The following UBE2W variants were observed in gnomAD, a reference collection of about 807,000 sequenced individuals.
UBE2W encodes ubiquitin conjugating enzyme E2 W.
UBE2W carries 18 observed loss-of-function variants against 27.2 expected under a neutral mutation model. The observed-to-expected ratio is 0.66, with a 90% CI of 0.46 to 0.98. The LOEUF (loss-of-function observed/expected upper bound fraction) is 0.98, where lower values mean the gene tolerates loss of function less well. Among genes scored for constraint, UBE2W ranks in the 50% least tolerant of loss-of-function variants. The pLI, the probability that UBE2W is intolerant of heterozygous loss-of-function variation, is 0.00. For missense variants in UBE2W, 90 were observed against 180.2 expected, an observed-to-expected ratio of 0.50 and a Z score of 2.87; for synonymous variants, 53 against 57.2, an observed-to-expected ratio of 0.93 and a Z score of 0.33.
chr8:73,786,969 T>G lies in UBE2W; in HGVS notation c.*7133A>C, dbSNP rs1807982732. The G allele has an allele frequency of 1.0e-6, 1 of 985,306 alleles. No individual in the cohort carries two copies. The highest frequency in any genetic ancestry group is 1.2e-6 in the Non-Finnish European group (1 of 829,920). The allele number at this position is 985,306 out of a possible 1,614,324, so 61.0% of individuals were successfully genotyped here. On this transcript the variant is annotated 3_prime_UTR_variant, in exon 6 of 6. Transcript: ENST00000602593. ...CAGGATACAGCCATCTATATTAGGA[T>G]CTTGTCTAATGACATATATTCACCC...
chr8:73,840,083 G>A (rs1428028630), intron 1 of UBE2W, among the ~76,000 whole-genome samples: 1 of 150,708 alleles, frequency 6.6e-6, no homozygotes, highest in Non-Finnish European at 1.5e-5. Context: ...CCAAGAAGGA[G>A]TCTTGCTCTG....
intron 1 of UBE2W, among the ~76,000 whole-genome samples, chr8:73,865,248 C>T (rs563398025): frequency 1.5e-5 from 2 of 136,112 alleles, no homozygotes; most frequent in East Asian, 2.2e-4. Context: ...ACAAATGTTA[C>T]GAAGACGTGA....
intron 3 of UBE2W, among the ~76,000 whole-genome samples, chr8:73,817,949 C>A (rs1203408680): frequency 6.6e-6 from 1 of 152,162 alleles, no homozygotes; most frequent in African/African-American, 2.4e-5. Context: ...TGCTGTAATC[C>A]CCCATGTATC....
Position 73,830,373 on chromosome 8 carries a change from ATACT to A in UBE2W, c.107+4_107+7del. 6.3e-7 allele frequency: 1 copy of A among 1,599,356 alleles called. No homozygotes were observed. Among genetic ancestry groups the A allele is most frequent in the Non-Finnish European group, 8.6e-7 (1 of 1,168,636 alleles). ...AAACAAAGAGCCCTTTTAAAATTAA[ATACT>A]TACTGTGTAATTGAATTTTGAACAC... On this transcript the variant is annotated splice_donor_5th_base_variant and intron_variant, in intron 2 of 5. Transcript: ENST00000602593.
In UBE2W at chr8:73,832,136, A is replaced by AATATATATATATATATAT. The variant is rs111764105; in HGVS notation, c.16-1665_16-1664insATATATATATATATATAT. ...AACAAACAAACAAAAAAAATAAATA[A>AATATATATATATATATAT]ATATATATATATATATTAGCCAGGT... On this transcript the variant is annotated intron_variant, in intron 1 of 5. Coordinates refer to ENST00000602593, the MANE Select transcript of UBE2W (RefSeq NM_018299.6). 7.1e-3 allele frequency among the ~76,000 whole-genome samples: 1,025 copies of AATATATATATATATATAT among 145,314 alleles called. 15 individuals are homozygous for AATATATATATATATATAT. The highest frequency in any genetic ancestry group is 0.025 in the African/African-American group (931 of 37,732).
At chr8:73,803,923 C>T (rs997334446) in intron 5 of UBE2W, among the ~76,000 whole-genome samples, 7 of 151,930 alleles carry the variant, frequency 4.6e-5, no homozygotes, top group South Asian at 2.1e-4. Context: ...CCTGCCACCA[C>T]GCCCGGCTAA....
At chr8:73,805,606 T>G (rs776881335) in intron 5 of UBE2W, 45 bp downstream of exon 5, 100 of 1,206,490 alleles carry the variant, frequency 8.3e-5, no homozygotes, top group Non-Finnish European at 1.1e-4. Context: ...TATATAATCT[T>G]CATATCAAAA....
Position 73,786,538 on chromosome 8 carries a change from G to T in UBE2W, c.*7564C>A. On this transcript the variant is annotated 3_prime_UTR_variant, in exon 6 of 6. Coordinates refer to ENST00000602593, the MANE Select transcript of UBE2W (RefSeq NM_018299.6). ...GGATAGATGACTGGTAGGGAGAGAA[G>T]AAAGGACAAGGATGATAACCTTTCA... The T allele has an allele frequency of 1.0e-6, 1 of 985,456 alleles. No individual in the cohort carries two copies. The highest frequency in any genetic ancestry group is 1.7e-5 in the African/African-American group (1 of 57,358). The allele number at this position is 985,456 out of a possible 1,614,324, so 61.0% of individuals were successfully genotyped here.
intron 1 of UBE2W, among the ~76,000 whole-genome samples, chr8:73,841,010 A>G (rs887541438): frequency 5.3e-5 from 8 of 152,212 alleles, no homozygotes; most frequent in Admixed American, 4.6e-4. Flanking sequence ...AAGAGAAGAA[A>G]AAACATTAAA....
At chr8:73,859,596 C>A (rs1012637055) in intron 1 of UBE2W, among the ~76,000 whole-genome samples, 4 of 152,130 alleles carry the variant, frequency 2.6e-5, no homozygotes, top group Admixed American at 1.3e-4. Flanking sequence ...ATATATCACA[C>A]AAAATATGTG....
chr8:73,842,602 C>G (rs1810590749), intron 1 of UBE2W, among the ~76,000 whole-genome samples: 1 of 147,610 alleles, frequency 6.8e-6, no homozygotes, highest in African/African-American at 2.5e-5. Context: ...ATAAAGAACT[C>G]CAAAACCTAC....
At chr8:73,866,871 G>A (rs967863925) in intron 1 of UBE2W, among the ~76,000 whole-genome samples, 1 of 151,646 alleles carries the variant, frequency 6.6e-6, no homozygotes, top group Non-Finnish European at 1.5e-5. Context: ...TAGGTGTGGT[G>A]GCAGGCACCT....
rs758838236 is a variant in UBE2W, at chr8:73,790,057, T to C, written c.*4045A>G. 5.9e-4 allele frequency: 586 copies of C among 985,170 alleles called. No individual in the cohort carries two copies. The highest frequency in any genetic ancestry group is 6.9e-4 in the Non-Finnish European group (573 of 829,864). The allele number at this position is 985,170 out of a possible 1,614,324, so 61.0% of individuals were successfully genotyped here. On this transcript the variant is annotated 3_prime_UTR_variant, in exon 6 of 6. Coordinates refer to ENST00000602593, the MANE Select transcript of UBE2W (RefSeq NM_018299.6). The stretch of plus-strand genomic sequence containing the variant: ...GTCAATTATTCAACAAATTTAGCCA[T>C]CTACTGACAAACTGAAATTAGTATC...
At chr8:73,877,712 C>G (rs1234532977) in intron 1 of UBE2W, among the ~76,000 whole-genome samples, 2 of 152,196 alleles carry the variant, frequency 1.3e-5, no homozygotes, top group African/African-American at 4.8e-5. Context: ...GCTGACACTC[C>G]TATTGAGCGT....
chr8:73,856,571 G>GT (rs112985248), intron 1 of UBE2W, among the ~76,000 whole-genome samples: 17,386 of 151,308 alleles, frequency 0.11, 3,207 homozygotes, highest in African/African-American at 0.39. Flanking sequence ...CGCTGGTCTG[G>GT]CTCGAACTCC....
Position 73,792,842 on chromosome 8 carries a change from C to T in UBE2W, c.*1260G>A, listed in dbSNP as rs1054621331. On this transcript the variant is annotated 3_prime_UTR_variant, in exon 6 of 6. Transcript: ENST00000602593. The stretch of plus-strand genomic sequence containing the variant: ...CTAGCTGTAAGCAAAGTCTTTTCAA[C>T]AACAACAAAACAAAACCCTCCAGGA... 1 of 985,186 alleles carries T rather than the reference C, an allele frequency of 1.0e-6. No individual in the cohort carries two copies. Among genetic ancestry groups the T allele is most frequent in the African/African-American group, 1.7e-5 (1 of 57,236 alleles). 61.0% of individuals were successfully genotyped at this position (985,186 alleles called of 1,614,324 possible).
intron 3 of UBE2W, among the ~76,000 whole-genome samples, chr8:73,812,132 A>AT (rs1204708435): frequency 6.6e-6 from 1 of 150,666 alleles, no homozygotes; most frequent in South Asian, 2.1e-4. Context: ...AGCAAAAGGC[A>AT]TTTTTTTCCC....
chr8:73,841,668 C>A (rs941733467), intron 1 of UBE2W, among the ~76,000 whole-genome samples: 3 of 152,126 alleles, frequency 2.0e-5, no homozygotes, highest in Admixed American at 2.0e-4. Flanking sequence ...ACTTTCTTTT[C>A]CAGCACAATG....
At chr8:73,846,416 A>G (rs1810801618) in intron 1 of UBE2W, among the ~76,000 whole-genome samples, 1 of 152,178 alleles carries the variant, frequency 6.6e-6, no homozygotes, top group Non-Finnish European at 1.5e-5. Context: ...AAGAAAAAGA[A>G]AAAACTCTTT....
Sources: gnomAD v4.1 joint callset for allele counts (sites outside exome capture counted in the v4.1 genomes callset) on GRCh38, gnomAD v4.1.1 for gene constraint, MANE v1.5 for transcripts, NCBI Gene and HGNC (gene_info 2026-07-23, HGNC 2026-07-21) for gene names.